The following TMEM132C variants were observed in gnomAD, a reference collection of about 807,000 sequenced individuals.
TMEM132C encodes transmembrane protein 132C.
In TMEM132C, 29 loss-of-function variants were observed where a neutral mutation model predicts 61.4. The ratio of observed to expected loss-of-function variants is 0.47; its 90% CI spans 0.35 to 0.64. The LOEUF is 0.64. TMEM132C is among the 30% of genes least tolerant of loss of function. The pLI is 0.00. For missense variants in TMEM132C, 1,408 were observed against 1,476.9 expected, an observed-to-expected ratio of 0.95 and a Z score of 0.76; for synonymous variants, 656 against 633.1, an observed-to-expected ratio of 1.04 and a Z score of -0.54.
chr12:128,449,602 T>C (rs1870113948), intron 2 of TMEM132C, among the ~76,000 whole-genome samples: 1 of 152,216 alleles, frequency 6.6e-6, no homozygotes, highest in Admixed American at 6.5e-5. Flanking sequence ...ATGAAGGATG[T>C]CATGACAGTT....
chr12:128,354,216 A>T (rs1357683437), intron 1 of TMEM132C, among the ~76,000 whole-genome samples: 1 of 152,036 alleles, frequency 6.6e-6, no homozygotes, highest in Non-Finnish European at 1.5e-5. Context: ...TAGGTGTGTG[A>T]GTCCCCCAAG....
rs148746007 is a variant in TMEM132C, at chr12:128,621,091, C to G, written c.1305+4756C>G. On this transcript the variant is annotated intron_variant, in intron 4 of 8. Transcript: ENST00000435159. ...CGTGACTGGTTTGCCCTTCCAGACC[C>G]TTCTCGGCTCTGCTCTGGGCCCTGG... is the stretch of plus-strand genomic sequence containing the variant. Among the ~76,000 whole-genome samples the G allele has an allele frequency of 4.6e-5, 7 of 152,086 alleles. No homozygotes were observed. The East Asian group carries it at 1.4e-3, about 30-fold the overall frequency.
In TMEM132C at chr12:128,468,193, G is replaced by A. The variant is rs138074788; in HGVS notation, c.974+52573G>A. On this transcript the variant is annotated intron_variant, in intron 2 of 8. Transcript: ENST00000435159. ...GTCCAGAGGGAACACCAACCCCGGG[G>A]TGACAAGGATGATGGGAGTTAGAAG... Among the ~76,000 whole-genome samples, 857 of 152,296 alleles carry A rather than the reference G, an allele frequency of 5.6e-3. 28 individuals carry two copies. Among genetic ancestry groups the A allele is most frequent in the Admixed American group, 0.049 (743 of 15,282 alleles).
At chr12:128,621,234 C>T (rs1420643147) in intron 4 of TMEM132C, among the ~76,000 whole-genome samples, 2 of 152,298 alleles carry the variant, frequency 1.3e-5, no homozygotes, top group East Asian at 1.9e-4. Context: ...TATGCCCACC[C>T]TCCCAAGAAA....
At chr12:128,541,104 A>T (rs11614948) in intron 2 of TMEM132C, among the ~76,000 whole-genome samples, 69,766 of 151,592 alleles carry the variant, frequency 0.46, 18,696 homozygotes, top group Non-Finnish European at 0.6. Context: ...CTCAGGTTTG[A>T]TTAATTTCCT....
At chr12:128,649,556 C>T (rs182222272) in intron 4 of TMEM132C, among the ~76,000 whole-genome samples, 1 of 152,178 alleles carries the variant, frequency 6.6e-6, no homozygotes, top group Non-Finnish European at 1.5e-5. Context: ...GCAGGCTCTG[C>T]CCTTGGGACT....
chr12:128,577,534 G>A (rs1875158228), intron 3 of TMEM132C, among the ~76,000 whole-genome samples: 1 of 152,232 alleles, frequency 6.6e-6, no homozygotes, highest in African/African-American at 2.4e-5. Context: ...ATCTCTGACT[G>A]TGACAGTGGC....
At position 128,457,170 on chromosome 12, in the gene TMEM132C, G is replaced by A. The variant is rs940939997; in HGVS notation, c.974+41550G>A. On this transcript the variant is annotated intron_variant, in intron 2 of 8. Coordinates refer to ENST00000435159, the MANE Select transcript of TMEM132C (RefSeq NM_001136103.3). ...AGTGAAATTGCTGCTCATAGGGTAA[G>A]CAAGCATATTTTTCACTTTTTTTAG... 2.0e-5 allele frequency among the ~76,000 whole-genome samples: 3 copies of A among 152,132 alleles called. No homozygotes were observed. In the South Asian group the frequency reaches 6.2e-4, roughly 32 times the overall value.
intron 1 of TMEM132C, among the ~76,000 whole-genome samples, chr12:128,402,160 AG>A (rs1346546426): frequency 6.6e-6 from 1 of 152,186 alleles, no homozygotes; most frequent in Non-Finnish European, 1.5e-5. Context: ...AAAATGGAAA[AG>A]GGAACAGATT....
At chr12:128,685,680 T>C (rs762068071) in intron 5 of TMEM132C, among the ~76,000 whole-genome samples, 2 of 152,164 alleles carry the variant, frequency 1.3e-5, no homozygotes, top group Non-Finnish European at 2.9e-5. Flanking sequence ...CTGTCCATGA[T>C]GGAGGAGAAG....
At chr12:128,422,063 G>T (rs898497439) in intron 2 of TMEM132C, among the ~76,000 whole-genome samples, 1 of 152,112 alleles carries the variant, frequency 6.6e-6, no homozygotes, top group Non-Finnish European at 1.5e-5. Flanking sequence ...TAAAGATCAG[G>T]ATTCCTCAGA....
chr12:128,635,171 A>G (rs1347440718), intron 4 of TMEM132C, among the ~76,000 whole-genome samples: 2 of 152,216 alleles, frequency 1.3e-5, no homozygotes, highest in African/African-American at 4.8e-5. Context: ...TGCTTTCATA[A>G]TGTTAAGAGA....
intron 1 of TMEM132C, among the ~76,000 whole-genome samples, chr12:128,412,666 A>G (rs1417185315): frequency 6.6e-6 from 1 of 152,034 alleles, no homozygotes; most frequent in Non-Finnish European, 1.5e-5. Context: ...TTTGCCTTCC[A>G]CCATGATTGT....
intron 2 of TMEM132C, among the ~76,000 whole-genome samples, chr12:128,513,295 G>T (rs1237010296): frequency 6.6e-6 from 1 of 152,090 alleles, no homozygotes; most frequent in African/African-American, 2.4e-5. Context: ...AACCTCCTCT[G>T]CCTCCCCCTC....
intron 1 of TMEM132C, among the ~76,000 whole-genome samples, chr12:128,296,444 T>C (rs995867236): frequency 2.0e-5 from 3 of 152,184 alleles, no homozygotes; most frequent in Non-Finnish European, 2.9e-5. Flanking sequence ...ACAGGAGAGA[T>C]GACACTGGTA....
At chr12:128,385,053 T>C (rs1451941756) in intron 1 of TMEM132C, among the ~76,000 whole-genome samples, 1 of 152,200 alleles carries the variant, frequency 6.6e-6, no homozygotes, top group Non-Finnish European at 1.5e-5. Flanking sequence ...TCATACCCCT[T>C]TGCAGATTCG....
intron 2 of TMEM132C, among the ~76,000 whole-genome samples, chr12:128,474,696 C>A (rs1871099122): frequency 6.6e-6 from 1 of 152,088 alleles, no homozygotes; most frequent in Non-Finnish European, 1.5e-5. Flanking sequence ...TACAATATAG[C>A]CCGTTTGTGC....
intron 1 of TMEM132C, among the ~76,000 whole-genome samples, chr12:128,410,472 G>A (rs1002966620): frequency 7.9e-5 from 12 of 151,950 alleles, no homozygotes; most frequent in Non-Finnish European, 1.3e-4. Context: ...GCATGCTCTC[G>A]GCTCACTGCA....
intron 5 of TMEM132C, among the ~76,000 whole-genome samples, chr12:128,677,862 T>C (rs915022056): frequency 2.0e-5 from 3 of 152,202 alleles, no homozygotes; most frequent in African/African-American, 7.2e-5. Flanking sequence ...AATAATGCAT[T>C]TGGGCAACAA....
Sources: allele counts gnomAD v4.1 joint callset (sites outside exome capture counted in the v4.1 genomes callset), GRCh38; gene constraint gnomAD v4.1.1; transcripts MANE v1.5; gene names NCBI Gene and HGNC (gene_info 2026-07-23, HGNC 2026-07-21).